BBS2: variants seen among roughly 807,000 people sequenced by gnomAD.
BBS2 encodes Bardet-Biedl syndrome 2, also known as BBSome complex member BBS2.
BBS2 carries 62 observed loss-of-function variants against 83.0 expected under a neutral mutation model. The ratio of observed to expected loss-of-function variants is 0.75; its 90% CI spans 0.61 to 0.92. The LOEUF (loss-of-function observed/expected upper bound fraction) is 0.92. Ranked by LOEUF, BBS2 falls within the 40% of genes least tolerant of loss-of-function variation. The pLI, the probability that BBS2 is intolerant of heterozygous loss-of-function variation, is 0.00. For missense variants in BBS2, 784 were observed against 901.0 expected, an observed-to-expected ratio of 0.87 and a Z score of 1.66; for synonymous variants, 303 against 326.1, an observed-to-expected ratio of 0.93 and a Z score of 0.76.
rs540680250 is a variant in BBS2 at position 56,502,573 on chromosome 16, C to T, written c.940+100G>A. 11 of 1,610,190 alleles carry T rather than the reference C, an allele frequency of 6.8e-6. No homozygotes were observed. In the East Asian group the frequency reaches 1.8e-4, roughly 26 times the overall value. ...AACTTTGGTGAATTTATTAGAACTACAGGATCTCGGTACAAATACTTCAGG... is the reference window on the plus strand; with the variant it reads ...AACTTTGGTGAATTTATTAGAACTATAGGATCTCGGTACAAATACTTCAGG... On this transcript the variant is annotated intron_variant, in intron 8 of 16. Coordinates refer to ENST00000245157, the MANE Select transcript of BBS2 (RefSeq NM_031885.5).
chr16:56,512,475 G>A (rs1050649379), intron 2 of BBS2, among the ~76,000 whole-genome samples: 1 of 152,204 alleles, frequency 6.6e-6, no homozygotes, highest in East Asian at 1.9e-4. Context: ...CTATCACCAA[G>A]AGAGTGGATA....
intron 9 of BBS2, 91 bp from the exon 10 acceptor site, chr16:56,501,588 C>G: frequency 6.7e-7 from 1 of 1,490,784 alleles, no homozygotes; most frequent in Non-Finnish European, 9.3e-7. Context: ...CTTCAAAAGA[C>G]AGAGCCTCCA....
chr16:56,512,441 C>G (rs1238211976), intron 2 of BBS2, among the ~76,000 whole-genome samples: 1 of 152,056 alleles, frequency 6.6e-6, no homozygotes, highest in East Asian at 1.9e-4. Context: ...AAAACTGAAA[C>G]AATCCAAATG....
chr16:56,510,706 G>A (rs1262965975), intron 4 of BBS2, among the ~76,000 whole-genome samples, 153 bp downstream of exon 4: 1 of 152,174 alleles, frequency 6.6e-6, no homozygotes, highest in African/African-American at 2.4e-5. Flanking sequence ...AAAGAGAAGA[G>A]AAAGACGAAT....
At chr16:56,514,729 T>C (rs779219537) in intron 1 of BBS2, 49 bp from the exon 2 acceptor site, 2 of 1,391,724 alleles carry the variant, frequency 1.4e-6, no homozygotes, top group East Asian at 2.5e-5. Context: ...AAAAAATTAG[T>C]ATCATACATT....
intron 17 of BBS2, chr16:56,478,086 G>C (rs771560481): frequency 6.6e-6 from 1 of 152,110 alleles, no homozygotes; most frequent in Non-Finnish European, 1.5e-5. Context: ...GAAATATCTA[G>C]AACTAGTTCT....
chr16:56,477,258 C>G (rs193063311), intron 17 of BBS2: 2 of 152,394 alleles, frequency 1.3e-5, no homozygotes, highest in African/African-American at 4.8e-5. Context: ...CACAGTGAGT[C>G]ATCACATTTC....
At chr16:56,482,422 G>T (rs544336434), downstream of BBS2, among the ~76,000 whole-genome samples, 1 of 152,128 alleles carries the variant, frequency 6.6e-6, no homozygotes, top group Admixed American at 6.6e-5. Flanking sequence ...CTAGAGTGCA[G>T]TGGCATGATC....
intron 17 of BBS2, chr16:56,476,183 T>G (rs1173149023): frequency 1.2e-6 from 2 of 1,612,200 alleles, no homozygotes; most frequent in African/African-American, 2.7e-5. Flanking sequence ...TTCTGGGACT[T>G]TTCATTCATC....
chr16:56,506,255 T>G, intron 5 of BBS2, 31 bp from the exon 6 acceptor site: 5 of 1,522,184 alleles, frequency 3.3e-6, no homozygotes, highest in Non-Finnish European at 4.6e-6. Context: ...ACACAACATC[T>G]TTTCATTAAG....
At chr16:56,496,401 A>G (rs556604050) in intron 15 of BBS2, among the ~76,000 whole-genome samples, 12 of 152,304 alleles carry the variant, frequency 7.9e-5, no homozygotes, top group Non-Finnish European at 1.5e-4. Flanking sequence ...TCTAGGAGAA[A>G]ATACTATCTT....
intron 1 of BBS2, among the ~76,000 whole-genome samples, chr16:56,518,199 T>G (rs1469117492): frequency 6.6e-6 from 1 of 152,200 alleles, no homozygotes; most frequent in Non-Finnish European, 1.5e-5. Context: ...GTTATACTAC[T>G]TAATGAAAAT....
In BBS2 at chr16:56,498,573, A is replaced by G. The variant is rs1478703379; in HGVS notation, c.1528-5T>C. The G allele has an allele frequency of 6.2e-7, 1 of 1,614,048 alleles. No homozygotes were observed. Among genetic ancestry groups the G allele is most frequent in the Middle Eastern group, 1.6e-4 (1 of 6,062 alleles). On this transcript the variant is annotated splice_region_variant and splice_polypyrimidine_tract_variant and intron_variant, in intron 12 of 16. Coordinates refer to ENST00000245157, the MANE Select transcript of BBS2 (RefSeq NM_031885.5). The stretch of plus-strand genomic sequence containing the variant: ...CTGACCGAGCCATACAACAACCTTG[A>G]AAATGAACACAATGAAATGACCTCC...
At position 56,485,734 on chromosome 16, in the gene BBS2, T is replaced by C; in HGVS notation, c.1915A>G (p.Thr639Ala). 2 of 1,613,870 alleles carry C rather than the reference T, an allele frequency of 1.2e-6. No individual in the cohort carries two copies. The highest frequency in any genetic ancestry group is 3.3e-5 in the Admixed American group (2 of 60,022). ...EDARLMRDMKTMKSRYMELYD... is the reference protein window; with the variant it reads ...EDARLMRDMKAMKSRYMELYD... ...AGTTCCATATAACGACTCTTCATTGTTTTCCTGTGCAAATCAGTAGAAATT... is the reference window on the plus strand; with the variant it reads ...AGTTCCATATAACGACTCTTCATTGCTTTCCTGTGCAAATCAGTAGAAATT... Residue 639 changes from threonine to alanine, a missense_variant, in exon 16 of 17, where the codon ACA becomes GCA. By Grantham distance (58) the Thr-to-Ala change is moderately conservative. Coordinates refer to ENST00000245157, the MANE Select transcript of BBS2 (RefSeq NM_031885.5).
chr16:56,486,536 C>T (rs1222479100), intron 15 of BBS2, among the ~76,000 whole-genome samples: 2 of 152,126 alleles, frequency 1.3e-5, no homozygotes, highest in Non-Finnish European at 2.9e-5. Flanking sequence ...ACTACAAATA[C>T]ATGCAGCAAC....
At chr16:56,511,465 T>C (rs1163445278) in intron 2 of BBS2, among the ~76,000 whole-genome samples, 181 bp from the exon 3 acceptor site, 2 of 152,320 alleles carry the variant, frequency 1.3e-5, no homozygotes, top group Middle Eastern at 6.8e-3. Context: ...TACTTTACTA[T>C]TAAGTCCTTC....
rs1318543869 is a variant in BBS2 at position 56,501,484 on chromosome 16, C to T, written c.1094G>A (p.Ser365Asn). 2 of 1,614,184 alleles carry T rather than the reference C, an allele frequency of 1.2e-6. No individual in the cohort carries two copies. The highest frequency in any genetic ancestry group is 2.7e-5 in the African/African-American group (2 of 75,046). ...ATGCCCATCAGCCTCGTTCAGTGGA[C>T]TGGCCAATTCAGCCTGCAAAACACC... ...YEENAKAELA[S>N]PLNEADGHRG... The change falls in exon 10 of 17, where the codon AGT becomes AAT. Residue 365 changes from serine to asparagine, a missense_variant. Ser to Asn is a conservative substitution (Grantham distance 46, BLOSUM62 1). Transcript: ENST00000245157.
intron 9 of BBS2, 101 bp from the exon 10 acceptor site, chr16:56,501,598 A>T: frequency 7.0e-7 from 1 of 1,423,316 alleles, no homozygotes; most frequent in Middle Eastern, 1.8e-4. Flanking sequence ...CAGAGCCTCC[A>T]GCATATTATT....
At chr16:56,502,874 A>T in intron 7 of BBS2, 66 bp from the exon 8 acceptor site, 1 of 1,580,878 alleles carries the variant, frequency 6.3e-7, no homozygotes, top group Non-Finnish European at 8.7e-7. Context: ...AAATTTAAAA[A>T]TAAAAATCAG....
Sources: allele counts gnomAD v4.1 joint callset (sites outside exome capture counted in the v4.1 genomes callset), GRCh38; gene constraint gnomAD v4.1.1; transcripts MANE v1.5; gene names NCBI Gene and HGNC (gene_info 2026-07-23, HGNC 2026-07-21).